The following VPS26B variants were observed in gnomAD, a reference collection of about 807,000 sequenced individuals.
VPS26B encodes the protein VPS26 retromer complex component B.
VPS26B carries 10 observed loss-of-function variants against 33.3 expected under a neutral mutation model. That is an observed-to-expected ratio of 0.30 (90% CI 0.19 to 0.51). The LOEUF (loss-of-function observed/expected upper bound fraction) is 0.51. Among genes scored for constraint, VPS26B ranks in the 20% least tolerant of loss-of-function variants. VPS26B has a pLI of 0.98. For missense variants in VPS26B, 317 were observed against 452.7 expected (o/e 0.70, Z 2.72); for synonymous variants, 190 against 176.9 (o/e 1.07, Z -0.59).
intron 4 of VPS26B, 98 bp downstream of exon 4, chr11:134,243,392 A>T: frequency 7.2e-7 from 1 of 1,390,248 alleles, no homozygotes; most frequent in Admixed American, 2.3e-5. Context: ...TCAAAATAAG[A>T]TGTCCTCTTA....
rs1938831861 is a variant in VPS26B, at chr11:134,246,679, C to G, written c.*1089C>G. 6.6e-6 allele frequency: 1 copy of G among 152,302 alleles called. No homozygotes were observed. The highest frequency in any genetic ancestry group is 2.4e-5 in the African/African-American group (1 of 41,322). The allele number at this position is 152,302 out of a possible 1,614,324, so 9.4% of individuals were successfully genotyped here. A position where few individuals can be genotyped will look rare whatever the true frequency, so the allele number is the denominator to read the frequency against. On this transcript the variant is annotated 3_prime_UTR_variant, in exon 6 of 6. Transcript: ENST00000281187. ...CACACTTCCGAATCATTCTGCTTGC[C>G]AAATAGGTCATCTTCACCAGTTGAC...
intron 3 of VPS26B, among the ~76,000 whole-genome samples, chr11:134,242,328 C>CTT (rs1280281857): frequency 6.6e-6 from 1 of 152,214 alleles, no homozygotes; most frequent in African/African-American, 2.4e-5. Flanking sequence ...ACCCCCTACT[C>CTT]ACATCCTGGT....
chr11:134,232,116 G>GATA (rs1242725833), intron 1 of VPS26B, among the ~76,000 whole-genome samples: 2 of 149,942 alleles, frequency 1.3e-5, no homozygotes, highest in Non-Finnish European at 3.0e-5. Context: ...CCAAAGACAG[G>GATA]ATAGTTACCT....
chr11:134,233,987 G>T (rs752577436), intron 1 of VPS26B, among the ~76,000 whole-genome samples: 3 of 152,170 alleles, frequency 2.0e-5, no homozygotes, highest in African/African-American at 7.2e-5. Flanking sequence ...TTCTTAAAGC[G>T]TGGAAGTGTG....
chr11:134,233,407 A>T (rs1230045417), intron 1 of VPS26B, among the ~76,000 whole-genome samples: 1 of 152,194 alleles, frequency 6.6e-6, no homozygotes, highest in Non-Finnish European at 1.5e-5. Flanking sequence ...TAATGTGGCC[A>T]TGCATAGCCA....
chr11:134,227,816 T>C (rs1441588721), intron 1 of VPS26B, among the ~76,000 whole-genome samples: 1 of 151,888 alleles, frequency 6.6e-6, no homozygotes, highest in African/African-American at 2.4e-5. Context: ...TATAAAATTA[T>C]GGTAGTTGTA....
At position 134,240,812 on chromosome 11, in the gene VPS26B, T is replaced by TGC. The variant is rs1263264810; in HGVS notation, c.545+658_545+659insCG. ...GTGTGTCCGTGTGTGTGTGTGTGTG[T>TGC]GTGTGTGTGTGTGTGTAGCCAAGGT... is the stretch of plus-strand genomic sequence containing the variant. On this transcript the variant is annotated intron_variant, in intron 3 of 5. Transcript: ENST00000281187. This position sits in a 1 kb window ranked among gnomAD's most constrained non-coding sequence, Gnocchi z 4.4. 6.6e-6 allele frequency among the ~76,000 whole-genome samples: 1 copy of TGC among 151,112 alleles called. No individual in the cohort carries two copies. The highest frequency in any genetic ancestry group is 2.4e-5 in the African/African-American group (1 of 41,114).
rs1343265147 is a variant in VPS26B, at chr11:134,240,146, A to G, written c.536A>G (p.Asn179Ser). ...EDCLHIEFEY[N>S]KSKYHLKDVI... ...TGTCTGCACATTGAATTTGAGTACAATAAATCCAAGTAAGTGTCTCAGTGC... is the reference window on the plus strand; with the variant it reads ...TGTCTGCACATTGAATTTGAGTACAGTAAATCCAAGTAAGTGTCTCAGTGC... Residue 179 changes from asparagine (N) to serine (S), a missense_variant, in exon 3 of 6, where the codon AAT becomes AGT. Physicochemically the swap from Asn to Ser is conservative, Grantham distance 46 (BLOSUM62 1). Transcript: ENST00000281187. The surrounding 1 kb of genome is among the most constrained non-coding windows in gnomAD (Gnocchi z 4.4). 9 of 1,614,088 alleles carry G rather than the reference A, an allele frequency of 5.6e-6. No individual in the cohort carries two copies. The highest frequency in any genetic ancestry group is 1.3e-5 in the African/African-American group (1 of 74,930).
intron 1 of VPS26B, among the ~76,000 whole-genome samples, chr11:134,234,144 C>A (rs767611386): frequency 1.3e-5 from 2 of 152,190 alleles, no homozygotes; most frequent in Non-Finnish European, 2.9e-5. Context: ...AAGTTCGACA[C>A]CCCCTGATTT....
chr11:134,245,151 T>C lies in VPS26B; in HGVS notation c.864+71T>C. 1 of 1,563,058 alleles carries C rather than the reference T, an allele frequency of 6.4e-7. No homozygotes were observed. The stretch of plus-strand genomic sequence containing the variant: ...AGGAGGCTCTCTTTCCTATGGAAGG[T>C]CAGACTCCATTTTTGCCAAGAGGTG... On this transcript the variant is annotated intron_variant, in intron 5 of 5. Coordinates refer to ENST00000281187, the MANE Select transcript of VPS26B (RefSeq NM_052875.5). This position sits in a 1 kb window ranked among gnomAD's most constrained non-coding sequence, Gnocchi z 4.7.
chr11:134,239,935 C>T (rs1289862098), intron 2 of VPS26B, 56 bp from the exon 3 acceptor site: 1 of 1,595,896 alleles, frequency 6.3e-7, no homozygotes, highest in Non-Finnish European at 8.6e-7. Flanking sequence ...GTACCTATAT[C>T]TAGGTAGCAT....
intron 3 of VPS26B, among the ~76,000 whole-genome samples, chr11:134,242,784 T>TGCACTTGTGGGGGATATC (rs1938752902): frequency 6.6e-6 from 1 of 152,244 alleles, no homozygotes; most frequent in Non-Finnish European, 1.5e-5. Flanking sequence ...GGGACTAGCC[T>TGCACTTGTGGGGGATATC]CTCATACATT....
chr11:134,238,804 C>T (rs1410129554), intron 2 of VPS26B, among the ~76,000 whole-genome samples: 1 of 151,880 alleles, frequency 6.6e-6, no homozygotes, highest in Non-Finnish European at 1.5e-5. Context: ...ACTGTGTTAG[C>T]CAGGATGGTC....
At chr11:134,234,369 C>T (rs948803345) in intron 1 of VPS26B, among the ~76,000 whole-genome samples, 7 of 152,174 alleles carry the variant, frequency 4.6e-5, no homozygotes, top group Non-Finnish European at 1.0e-4. Flanking sequence ...TAGAAATAGA[C>T]GCAGTCTAGA....
chr11:134,245,213 G>A lies in VPS26B; in HGVS notation c.864+133G>A. 2 of 1,383,574 alleles carry A rather than the reference G, an allele frequency of 1.4e-6. No homozygotes were observed. The highest frequency in any genetic ancestry group is 1.9e-6 in the Non-Finnish European group (2 of 1,036,518). The allele number at this position is 1,383,574 out of a possible 1,614,324, so 85.7% of individuals were successfully genotyped here. A position where few individuals can be genotyped will look rare whatever the true frequency, so the allele number is the denominator to read the frequency against. ...TCGCCCACAATTGCACAACAAGAATGAGGATTCTCACCTGGCCTTAGAGTC... is the reference window on the plus strand; with the variant it reads ...TCGCCCACAATTGCACAACAAGAATAAGGATTCTCACCTGGCCTTAGAGTC... On this transcript the variant is annotated intron_variant, in intron 5 of 5. Transcript: ENST00000281187. The surrounding 1 kb of genome is among the most constrained non-coding windows in gnomAD (Gnocchi z 4.7).
intron 2 of VPS26B, among the ~76,000 whole-genome samples, chr11:134,238,816 C>G (rs952263707): frequency 2.6e-5 from 4 of 151,800 alleles, no homozygotes; most frequent in African/African-American, 7.3e-5. Flanking sequence ...AGGATGGTCT[C>G]GATCTCCTGA....
At chr11:134,229,799 A>G (rs1379463305) in intron 1 of VPS26B, among the ~76,000 whole-genome samples, 1 of 151,996 alleles carries the variant, frequency 6.6e-6, no homozygotes, top group African/African-American at 2.4e-5. Flanking sequence ...AGGCAGTTCT[A>G]TCATTGTCAG....
rs201415664 is a variant in VPS26B at position 134,243,146 on chromosome 11, G to A, written c.573G>A (p.Gly191=). ...SKYHLKDVIV[G]KIYFLLVRIK... is the part of the protein sequence containing the mutation. Reference sequence around the variant, plus strand: ...ACCACTTGAAAGATGTCATTGTAGGGAAGATATACTTCCTGCTGGTGAGAA... The same window carrying A: ...ACCACTTGAAAGATGTCATTGTAGGAAAGATATACTTCCTGCTGGTGAGAA... Residue 191 remains glycine (G), a synonymous_variant, in exon 4 of 6, where the codon GGG becomes GGA. Transcript: ENST00000281187. The A allele has an allele frequency of 9.8e-5, 158 of 1,613,836 alleles. 1 individual carries two copies. The East Asian group carries it at 2.9e-3, about 30-fold the overall frequency.
chr11:134,235,979 A>G (rs1177281888), intron 2 of VPS26B, among the ~76,000 whole-genome samples: 1 of 152,136 alleles, frequency 6.6e-6, no homozygotes, highest in Non-Finnish European at 1.5e-5. Context: ...GATGGTACAC[A>G]CCACAAGACC....
Sources: allele counts gnomAD v4.1 joint callset (sites outside exome capture counted in the v4.1 genomes callset), GRCh38; gene constraint gnomAD v4.1.1; non-coding constraint Gnocchi (gnomAD v3.1); transcripts MANE v1.5; gene names NCBI Gene and HGNC (gene_info 2026-07-23, HGNC 2026-07-21).